ROBO1: variants seen among roughly 807,000 people sequenced by gnomAD.
The protein encoded by ROBO1 is roundabout homolog 1.
ROBO1 carries 149 observed loss-of-function variants against 195.9 expected under a neutral mutation model. The observed-to-expected ratio is 0.76, with a 90% CI of 0.67 to 0.87. The LOEUF is 0.87. ROBO1 is among the 40% of genes least tolerant of loss of function. The probability of loss-of-function intolerance (pLI) is 0.00; values close to 1 mark genes in which losing one functional copy is unlikely to be tolerated. For missense variants in ROBO1, 1,933 were observed against 2,068.3 expected (o/e 0.93, Z 1.27); for synonymous variants, 816 against 733.2 (o/e 1.11, Z -1.82).
chr3:78,988,917 A>G (rs1379663318), intron 3 of ROBO1, among the ~76,000 whole-genome samples: 2 of 152,172 alleles, frequency 1.3e-5, no homozygotes, highest in Non-Finnish European at 2.9e-5. Flanking sequence ...TCATATACCA[A>G]AAAAAGGTGC....
At chr3:78,929,174 G>A (rs1342597117) in intron 4 of ROBO1, among the ~76,000 whole-genome samples, 10 of 151,634 alleles carry the variant, frequency 6.6e-5, no homozygotes, top group Non-Finnish European at 1.3e-4. Flanking sequence ...TTAAACCCTG[G>A]GTTAAATACA....
chr3:78,620,876 T>C (rs957304134), intron 26 of ROBO1, among the ~76,000 whole-genome samples: 2 of 79,226 alleles, frequency 2.5e-5, no homozygotes, highest in African/African-American at 8.6e-5. Flanking sequence ...ATATATTATA[T>C]ATATATATGT....
At chr3:79,715,761 C>G (rs1031968331) in intron 1 of ROBO1, among the ~76,000 whole-genome samples, 1 of 151,992 alleles carries the variant, frequency 6.6e-6, no homozygotes, top group African/African-American at 2.4e-5. Flanking sequence ...CTTGATCATA[C>G]TTTGAGAAAT....
At chr3:78,955,441 T>C (rs2041000887) in intron 3 of ROBO1, among the ~76,000 whole-genome samples, 1 of 152,086 alleles carries the variant, frequency 6.6e-6, no homozygotes, top group South Asian at 2.1e-4. Flanking sequence ...AAAACCATGT[T>C]TTTAAGCTAT....
At position 79,125,459 on chromosome 3, in the gene ROBO1, T is replaced by C; in HGVS notation, c.169A>G (p.Thr57Ala). ...ATTTGGGAAAGAGACACTCTACCTGTATAGCCCAGCGAATTGTCATCGTTA... is the reference window on the plus strand; with the variant it reads ...ATTTGGGAAAGAGACACTCTACCTGCATAGCCCAGCGAATTGTCATCGTTA... Reference protein sequence around the residue: ...SDNDDNSLGYTGSRLRQEDFP... With the variant: ...SDNDDNSLGYAGSRLRQEDFP... Residue 57 changes from threonine (T) to alanine (A), a missense_variant, in exon 3 of 31, where the codon ACA becomes GCA. This residue lies in a region of ROBO1 where 185 missense variants were observed against 159.5 expected (regional missense o/e 1.16). Coordinates refer to ENST00000464233, the MANE Select transcript of ROBO1 (RefSeq NM_002941.4). The C allele has an allele frequency of 6.2e-7, 1 of 1,613,284 alleles. No individual in the cohort carries two copies. Among genetic ancestry groups the C allele is most frequent in the Non-Finnish European group, 8.5e-7 (1 of 1,179,540 alleles).
At position 78,746,641 on chromosome 3, in the gene ROBO1, C is replaced by G. The variant is rs192589803; in HGVS notation, c.657+102G>C. 23 of 983,866 alleles carry G rather than the reference C, an allele frequency of 2.3e-5. No individual in the cohort carries two copies. In the Admixed American group the frequency reaches 6.8e-4, roughly 29 times the overall value. The allele number at this position is 983,866 out of a possible 1,614,324, so 60.9% of individuals were successfully genotyped here. On this transcript the variant is annotated intron_variant, in intron 5 of 30. Coordinates refer to ENST00000464233, the MANE Select transcript of ROBO1 (RefSeq NM_002941.4). ...AGCTGAACATGGGAGCTGACGCAAG[C>G]CTTTATTGAAAATAATCTACTTCAT...
intron 1 of ROBO1, among the ~76,000 whole-genome samples, chr3:79,671,080 GGAATT>G (rs1946618847): frequency 6.6e-6 from 1 of 151,716 alleles, no homozygotes. Context: ...GCAGGTATAT[GGAATT>G]AAAATAGTCA....
At chr3:78,651,444 T>G (rs1706653626) in intron 19 of ROBO1, among the ~76,000 whole-genome samples, 1 of 151,914 alleles carries the variant, frequency 6.6e-6, no homozygotes, top group African/African-American at 2.4e-5. Flanking sequence ...ATAAAATAAT[T>G]CCCTAAGAGA....
intron 2 of ROBO1, among the ~76,000 whole-genome samples, chr3:79,393,626 C>T (rs774100716): frequency 1.5e-4 from 23 of 152,158 alleles, no homozygotes; most frequent in Non-Finnish European, 2.5e-4. Context: ...AAGAGACAGG[C>T]CCAATGACCT....
At chr3:78,642,833 C>G (rs1027434832) in intron 21 of ROBO1, among the ~76,000 whole-genome samples, 1 of 152,102 alleles carries the variant, frequency 6.6e-6, no homozygotes, top group Non-Finnish European at 1.5e-5. Context: ...GCAATGTTCA[C>G]AATGATAACA....
intron 8 of ROBO1, among the ~76,000 whole-genome samples, chr3:78,712,017 CAAAAAAAAAAAAAAAAAAAAA>C (rs56267632): frequency 2.6e-5 from 2 of 76,422 alleles, no homozygotes; most frequent in Non-Finnish European, 5.0e-5. Context: ...AAGACCTTGG[CAAAAAAAAAAAAAAAAAAAAA>C]AAAAAAAAAA....
intron 1 of ROBO1, among the ~76,000 whole-genome samples, chr3:79,614,965 C>T (rs1420969927): frequency 6.6e-6 from 1 of 152,158 alleles, no homozygotes; most frequent in Non-Finnish European, 1.5e-5. Flanking sequence ...GAATTTTGAG[C>T]ACTCTGTCCT....
chr3:78,776,987 T>C (rs1352931564), intron 4 of ROBO1, among the ~76,000 whole-genome samples: 4 of 152,204 alleles, frequency 2.6e-5, no homozygotes, highest in African/African-American at 7.2e-5. Context: ...GTTAACAATA[T>C]AGTTGCATGA....
intron 25 of ROBO1, among the ~76,000 whole-genome samples, chr3:78,629,157 T>G (rs1164427041): frequency 6.6e-6 from 1 of 152,194 alleles, no homozygotes; most frequent in Non-Finnish European, 1.5e-5. Flanking sequence ...TGTGGTCCCA[T>G]GTCCATAAAA....
intron 2 of ROBO1, among the ~76,000 whole-genome samples, chr3:79,454,959 A>C (rs2039568684): frequency 6.6e-6 from 1 of 152,166 alleles, no homozygotes; most frequent in South Asian, 2.1e-4. Flanking sequence ...CAAAGTCAGC[A>C]AAACTAGTTT....
At chr3:78,693,193 T>C (rs1011605783) in intron 8 of ROBO1, 7 of 987,968 alleles carry the variant, frequency 7.1e-6, no homozygotes, top group Non-Finnish European at 1.0e-5. Flanking sequence ...TCCTGCAGAC[T>C]TTATTCTGTG....
chr3:79,529,787 A>G (rs951058945), intron 2 of ROBO1, among the ~76,000 whole-genome samples: 1 of 152,216 alleles, frequency 6.6e-6, no homozygotes, highest in African/African-American at 2.4e-5. Context: ...TGGAACCAAA[A>G]TATGTAAATT....
chr3:78,726,611 A>G (rs557916731), intron 5 of ROBO1, among the ~76,000 whole-genome samples: 1 of 152,320 alleles, frequency 6.6e-6, no homozygotes, highest in South Asian at 2.1e-4. Flanking sequence ...CTTGAGCAGA[A>G]TATCTCTTCA....
chr3:79,540,834 G>A (rs2107640450), intron 2 of ROBO1, among the ~76,000 whole-genome samples: 1 of 152,192 alleles, frequency 6.6e-6, no homozygotes, highest in South Asian at 2.1e-4. Flanking sequence ...CACGAAGATT[G>A]TCATGTCTAC....
Sources: allele counts gnomAD v4.1 joint callset (sites outside exome capture counted in the v4.1 genomes callset), GRCh38; gene constraint gnomAD v4.1.1; regional missense constraint gnomAD v4.1.1; transcripts MANE v1.5; gene names NCBI Gene and HGNC (gene_info 2026-07-23, HGNC 2026-07-21).